Variants in CACNA2D1 observed in about 807,000 individuals in gnomAD.
CACNA2D1 encodes voltage-dependent calcium channel subunit alpha-2/delta-1.
In CACNA2D1, 53 loss-of-function variants were observed where a neutral mutation model predicts 171.5. That is an observed-to-expected ratio of 0.31 (90% CI 0.25 to 0.39). The LOEUF is 0.39. Among genes scored for constraint, CACNA2D1 ranks in the 10% least tolerant of loss-of-function variants. CACNA2D1 has a pLI of 1.00. For synonymous variants in CACNA2D1, 442 were observed against 443.1 expected, an observed-to-expected ratio of 1.00 and a Z score of 0.03; for missense variants, 903 against 1,299.8, an observed-to-expected ratio of 0.69 and a Z score of 4.69.
chr7:82,314,975 CT>C (rs35145517), intron 3 of CACNA2D1, among the ~76,000 whole-genome samples: 23,571 of 124,542 alleles, frequency 0.19, 3,275 homozygotes, highest in African/African-American at 0.47. Flanking sequence ...AGCATATTAT[CT>C]TTTTTTTTTT....
intron 3 of CACNA2D1, among the ~76,000 whole-genome samples, chr7:82,314,975 C>CT (rs35145517): frequency 0.041 from 5,054 of 124,414 alleles, 316 homozygotes; most frequent in African/African-American, 0.12. Context: ...AGCATATTAT[C>CT]TTTTTTTTTT....
At chr7:82,263,178 A>G (rs888897953) in intron 3 of CACNA2D1, among the ~76,000 whole-genome samples, 42 of 138,456 alleles carry the variant, frequency 3.0e-4, no homozygotes, top group African/African-American at 9.7e-4. Context: ...GTGTAATCTC[A>G]GCTCACTGCA....
At chr7:82,314,187 T>G (rs1330715221) in intron 3 of CACNA2D1, among the ~76,000 whole-genome samples, 1 of 152,188 alleles carries the variant, frequency 6.6e-6, no homozygotes, top group Non-Finnish European at 1.5e-5. Context: ...TACTTTGGTT[T>G]GCTTGATTTA....
At chr7:82,360,614 G>T (rs115631459) in intron 1 of CACNA2D1, among the ~76,000 whole-genome samples, 1,848 of 152,242 alleles carry the variant, frequency 0.012, 44 homozygotes, top group African/African-American at 0.042. Flanking sequence ...AGGTTAGGTG[G>T]AGAGACAGCC....
intron 12 of CACNA2D1, among the ~76,000 whole-genome samples, chr7:82,030,736 TC>T (rs1291302616): frequency 1.3e-5 from 2 of 152,004 alleles, no homozygotes; most frequent in East Asian, 3.9e-4. Context: ...TATACTTCTA[TC>T]ACAAAATAGT....
At chr7:82,146,195 C>T (rs1584913508) in intron 4 of CACNA2D1, among the ~76,000 whole-genome samples, 2 of 151,648 alleles carry the variant, frequency 1.3e-5, no homozygotes, top group African/African-American at 2.4e-5. Context: ...TCATGTACTA[C>T]AGCCCAGAGC....
At chr7:82,134,164 G>A (rs1791341211) in intron 5 of CACNA2D1, among the ~76,000 whole-genome samples, 8 of 152,060 alleles carry the variant, frequency 5.3e-5, no homozygotes, top group Admixed American at 5.2e-4. Flanking sequence ...GCTTATAGTA[G>A]GGTAAAAGTC....
chr7:82,220,781 C>CTTT (rs71093369), intron 3 of CACNA2D1, among the ~76,000 whole-genome samples: 10,562 of 134,304 alleles, frequency 0.079, 588 homozygotes, highest in Non-Finnish European at 0.11. Context: ...TTTCTTTTTT[C>CTTT]TTTTTTTTTT....
At chr7:82,165,520 A>T (rs982228015) in intron 4 of CACNA2D1, among the ~76,000 whole-genome samples, 1 of 152,044 alleles carries the variant, frequency 6.6e-6, no homozygotes, top group Non-Finnish European at 1.5e-5. Flanking sequence ...CACCCAGCAT[A>T]ACTAACAATT....
intron 4 of CACNA2D1, among the ~76,000 whole-genome samples, chr7:82,152,564 T>C (rs1187318500): frequency 1.3e-5 from 2 of 151,956 alleles, no homozygotes; most frequent in Non-Finnish European, 2.9e-5. Context: ...ATTTATGAGA[T>C]AGTATTATAT....
chr7:82,386,779 T>TAAAA lies in CACNA2D1; in HGVS notation c.96-37134_96-37131dup, dbSNP rs540112679. On this transcript the variant is annotated intron_variant, in intron 1 of 38. Transcript: ENST00000356860. Reference sequence around the variant, plus strand: ...ATAAATAAATAAATAAATAAATAAATAAAATAACTAATACTTAGCAAAAAC... The same window carrying TAAAA: ...ATAAATAAATAAATAAATAAATAAATAAAAAAAATAACTAATACTTAGCAAAAAC... Among the ~76,000 whole-genome samples, 19 of 149,080 alleles carry TAAAA rather than the reference T, an allele frequency of 1.3e-4. No homozygotes were observed. In the East Asian group the frequency reaches 3.3e-3, roughly 26 times the overall value.
At chr7:82,018,368 T>G (rs1328069205) in intron 12 of CACNA2D1, among the ~76,000 whole-genome samples, 1 of 152,172 alleles carries the variant, frequency 6.6e-6, no homozygotes. Context: ...AAGAAGACTT[T>G]GGTGTTATCC....
chr7:82,138,912 G>A (rs1054993274), intron 4 of CACNA2D1, among the ~76,000 whole-genome samples: 1 of 152,026 alleles, frequency 6.6e-6, no homozygotes, highest in African/African-American at 2.4e-5. Context: ...TGGATTCTAC[G>A]AAAAGTTAAA....
rs116454213 is a variant in CACNA2D1 at position 82,238,990 on chromosome 7, G to A, written c.295-68381C>T. Reference sequence around the variant, plus strand: ...ATGAAAATAAAATCATTGAGTAGATGAATGGTATATTGGGATATGGGCATT... The same window carrying A: ...ATGAAAATAAAATCATTGAGTAGATAAATGGTATATTGGGATATGGGCATT... On this transcript the variant is annotated intron_variant, in intron 3 of 38. Coordinates refer to ENST00000356860, the MANE Select transcript of CACNA2D1 (RefSeq NM_000722.4). 7.5e-3 allele frequency among the ~76,000 whole-genome samples: 1,138 copies of A among 152,066 alleles called. 13 individuals carry two copies. Among genetic ancestry groups the A allele is most frequent in the African/African-American group, 0.026 (1,083 of 41,506 alleles).
chr7:82,154,305 C>A (rs1283389287), intron 4 of CACNA2D1, among the ~76,000 whole-genome samples: 2 of 152,102 alleles, frequency 1.3e-5, no homozygotes, highest in Admixed American at 1.3e-4. Context: ...TCAAATGCTT[C>A]AAGAAGTATG....
At chr7:82,136,927 A>T (rs1791687759) in intron 4 of CACNA2D1, among the ~76,000 whole-genome samples, 1 of 152,204 alleles carries the variant, frequency 6.6e-6, no homozygotes, top group Non-Finnish European at 1.5e-5. Context: ...AGAAAAAAAT[A>T]AGTGAAAAAT....
intron 1 of CACNA2D1, among the ~76,000 whole-genome samples, chr7:82,367,686 TA>T (rs1011510180): frequency 6.6e-5 from 10 of 151,990 alleles, no homozygotes; most frequent in Middle Eastern, 3.4e-3. Context: ...ATTAAATGAA[TA>T]AAAAAAAGAT....
At chr7:82,149,104 C>T (rs949945087) in intron 4 of CACNA2D1, among the ~76,000 whole-genome samples, 7 of 152,174 alleles carry the variant, frequency 4.6e-5, no homozygotes, top group African/African-American at 1.4e-4. Context: ...CTCAGCACAG[C>T]ATAGTGTGAT....
chr7:82,105,493 T>A (rs1584764753), intron 6 of CACNA2D1, among the ~76,000 whole-genome samples: 1 of 148,782 alleles, frequency 6.7e-6, no homozygotes. Context: ...GATTTTCTCC[T>A]CCAGGTCAAA....
Sources: gnomAD v4.1 joint callset for allele counts (sites outside exome capture counted in the v4.1 genomes callset) on GRCh38, gnomAD v4.1.1 for gene constraint, MANE v1.5 for transcripts, NCBI Gene and HGNC (gene_info 2026-07-23, HGNC 2026-07-21) for gene names.